RUNDC3B: variants seen among roughly 807,000 people sequenced by gnomAD.
The protein encoded by RUNDC3B is RUN domain containing 3B.
In RUNDC3B, 33 loss-of-function variants were observed where a neutral mutation model predicts 58.4. The ratio of observed to expected loss-of-function variants is 0.56; its 90% confidence interval spans 0.43 to 0.75. The LOEUF (loss-of-function observed/expected upper bound fraction) is 0.75. Among genes scored for constraint, RUNDC3B ranks in the 30% least tolerant of loss-of-function variants. RUNDC3B has a pLI of 0.00. For missense variants in RUNDC3B, 501 were observed against 535.7 expected (o/e 0.94, Z 0.64); for synonymous variants, 193 against 195.2 (o/e 0.99, Z 0.10).
intron 2 of RUNDC3B, among the ~76,000 whole-genome samples, chr7:87,663,219 G>A (rs1414502475): frequency 1.3e-5 from 2 of 151,962 alleles, no homozygotes; most frequent in Non-Finnish European, 2.9e-5. Context: ...TTTTTAGTTG[G>A]ATGCCCTTTA....
intron 9 of RUNDC3B, among the ~76,000 whole-genome samples, chr7:87,811,458 C>G (rs371330331): frequency 6.6e-6 from 1 of 151,968 alleles, no homozygotes; most frequent in Non-Finnish European, 1.5e-5. Flanking sequence ...CTCAGCCTCC[C>G]GAGTAGCTGG....
intron 2 of RUNDC3B, among the ~76,000 whole-genome samples, chr7:87,695,823 C>T (rs547312099): frequency 3.2e-4 from 48 of 152,094 alleles, no homozygotes; most frequent in African/African-American, 1.1e-3. Context: ...AAATAAGATA[C>T]AAACAAAACA....
intron 8 of RUNDC3B, among the ~76,000 whole-genome samples, chr7:87,788,703 C>CTTTTTT (rs5885597): frequency 6.2e-5 from 8 of 128,280 alleles, no homozygotes; most frequent in African/African-American, 8.5e-5. Context: ...CTTTTCAAAA[C>CTTTTTT]TTTTTTTTTT....
chr7:87,752,677 T>C (rs889332212), intron 6 of RUNDC3B, among the ~76,000 whole-genome samples: 2 of 152,210 alleles, frequency 1.3e-5, no homozygotes, highest in Non-Finnish European at 2.9e-5. Context: ...GTGTTTGTAG[T>C]ATTCTCTGAT....
At chr7:87,670,922 A>G (rs1219588319) in intron 2 of RUNDC3B, among the ~76,000 whole-genome samples, 1 of 151,990 alleles carries the variant, frequency 6.6e-6, no homozygotes, top group African/African-American at 2.4e-5. Context: ...CTGGCTGTAG[A>G]TTGTGATTTG....
chr7:87,693,168 C>G (rs1471387369), intron 2 of RUNDC3B, among the ~76,000 whole-genome samples: 1 of 151,956 alleles, frequency 6.6e-6, no homozygotes, highest in Non-Finnish European at 1.5e-5. Flanking sequence ...TATTGTTATA[C>G]TAGCAATTTC....
At chr7:87,826,863 A>T (rs908872817) in intron 10 of RUNDC3B, among the ~76,000 whole-genome samples, 1 of 152,182 alleles carries the variant, frequency 6.6e-6, no homozygotes, top group African/African-American at 2.4e-5. Flanking sequence ...CAAAAAGATG[A>T]AACAAACTAG....
At chr7:87,703,865 G>C (rs1359231663) in intron 3 of RUNDC3B, among the ~76,000 whole-genome samples, 1 of 86,922 alleles carries the variant, frequency 1.2e-5, no homozygotes, top group Non-Finnish European at 2.4e-5. Context: ...TGCATCTTAG[G>C]TGAGCTTTAT....
intron 4 of RUNDC3B, among the ~76,000 whole-genome samples, chr7:87,733,022 G>A (rs960486355): frequency 1.3e-5 from 2 of 152,162 alleles, no homozygotes; most frequent in Admixed American, 6.5e-5. Flanking sequence ...CTAGACAACC[G>A]GTTAGACCAG....
intron 8 of RUNDC3B, among the ~76,000 whole-genome samples, chr7:87,803,529 G>A (rs1836279591): frequency 6.6e-6 from 1 of 152,080 alleles, no homozygotes; most frequent in Non-Finnish European, 1.5e-5. Flanking sequence ...TTATGCAAAA[G>A]CAAGATAGAG....
chr7:87,793,137 A>G (rs1835618708), intron 8 of RUNDC3B, among the ~76,000 whole-genome samples: 1 of 152,150 alleles, frequency 6.6e-6, no homozygotes, highest in African/African-American at 2.4e-5. Context: ...ACCTACCATT[A>G]TTGAACCATG....
intron 2 of RUNDC3B, among the ~76,000 whole-genome samples, chr7:87,675,037 C>A (rs1052521861): frequency 3.3e-5 from 5 of 152,240 alleles, no homozygotes; most frequent in African/African-American, 7.2e-5. Flanking sequence ...GCTTAAGTGT[C>A]TGTTGGGGAA....
At chr7:87,736,056 A>G (rs1159482946) in intron 4 of RUNDC3B, among the ~76,000 whole-genome samples, 1 of 152,148 alleles carries the variant, frequency 6.6e-6, no homozygotes, top group African/African-American at 2.4e-5. Flanking sequence ...ATTTTGATTC[A>G]ATTTGACTTT....
intron 6 of RUNDC3B, among the ~76,000 whole-genome samples, chr7:87,764,188 A>G (rs1026698372): frequency 6.6e-6 from 1 of 151,786 alleles, no homozygotes; most frequent in Non-Finnish European, 1.5e-5. Context: ...TAAAGACCAA[A>G]CTGATATTTT....
At chr7:87,715,074 C>T (rs1486267753) in intron 4 of RUNDC3B, among the ~76,000 whole-genome samples, 2 of 150,764 alleles carry the variant, frequency 1.3e-5, no homozygotes, top group South Asian at 2.1e-4. Flanking sequence ...TTCTCTATTC[C>T]TTTCACTGTG....
intron 8 of RUNDC3B, among the ~76,000 whole-genome samples, chr7:87,782,234 C>T (rs1327091142): frequency 6.6e-6 from 1 of 152,136 alleles, no homozygotes; most frequent in Non-Finnish European, 1.5e-5. Flanking sequence ...TCAATTTCCT[C>T]TAGATTTTCT....
At chr7:87,741,473 G>C (rs1231646248) in intron 5 of RUNDC3B, 26 bp from the exon 6 acceptor site, 13 of 1,216,002 alleles carry the variant, frequency 1.1e-5, no homozygotes, top group Non-Finnish European at 1.5e-5. Flanking sequence ...ATATTAATAG[G>C]AAATATTTAT....
chr7:87,694,583 C>G (rs963308503), intron 2 of RUNDC3B, among the ~76,000 whole-genome samples: 1 of 152,140 alleles, frequency 6.6e-6, no homozygotes, highest in African/African-American at 2.4e-5. Flanking sequence ...TCCTTTCAAG[C>G]AATTTTATCT....
At chr7:87,808,191 C>T (rs1836537306) in intron 9 of RUNDC3B, among the ~76,000 whole-genome samples, 1 of 151,844 alleles carries the variant, frequency 6.6e-6, no homozygotes, top group Non-Finnish European at 1.5e-5. Context: ...TTCTGTTTTT[C>T]CTGATATCCC....
Sources: allele counts gnomAD v4.1 joint callset (sites outside exome capture counted in the v4.1 genomes callset), GRCh38; gene constraint gnomAD v4.1.1; transcripts MANE v1.5; gene names NCBI Gene and HGNC (gene_info 2026-07-23, HGNC 2026-07-21).